The following RGSL1 variants were observed in gnomAD, a reference collection of about 807,000 sequenced individuals.
RGSL1 encodes regulator of G protein signaling protein-like.
In RGSL1, 97 loss-of-function variants were observed where a neutral mutation model predicts 124.7. That is an observed-to-expected ratio of 0.78 (90% CI 0.66 to 0.92). RGSL1 has a LOEUF of 0.92. Among genes scored for constraint, RGSL1 ranks in the 40% least tolerant of loss-of-function variants. The pLI is 0.00. For synonymous variants in RGSL1, 424 were observed against 438.1 expected (o/e 0.97, Z 0.40); for missense variants, 1,233 against 1,288.4 (o/e 0.96, Z 0.66).
intron 4 of RGSL1, among the ~76,000 whole-genome samples, chr1:182,463,619 AAAG>A (rs1338932195): frequency 1.3e-5 from 2 of 152,244 alleles, no homozygotes; most frequent in Admixed American, 1.3e-4. Context: ...TACAAGAGAC[AAAG>A]AAGGACATTA....
chr1:182,474,984 A>G lies in RGSL1; in HGVS notation c.1431+442A>G, dbSNP rs1261542657. On this transcript the variant is annotated intron_variant, in intron 6 of 21. Coordinates refer to ENST00000294854, the MANE Select transcript of RGSL1 (RefSeq NM_001137669.2). Reference sequence around the variant, plus strand: ...TCATGGAAAAAACTGTCATCCACAAAACTGGTCCCTGTGCCAAAAAGGTTG... The same window carrying G: ...TCATGGAAAAAACTGTCATCCACAAGACTGGTCCCTGTGCCAAAAAGGTTG... Among the ~76,000 whole-genome samples, 7 of 152,260 alleles carry G rather than the reference A, an allele frequency of 4.6e-5. No homozygotes were observed. In the East Asian group the frequency reaches 1.4e-3, roughly 29 times the overall value.
At chr1:182,552,346 C>A (rs1660617450) in intron 18 of RGSL1, among the ~76,000 whole-genome samples, 1 of 152,104 alleles carries the variant, frequency 6.6e-6, no homozygotes, top group African/African-American at 2.4e-5. Context: ...GATCTCCTGA[C>A]CTTGTGATCC....
chr1:182,482,529 A>G (rs962547440), intron 6 of RGSL1, among the ~76,000 whole-genome samples: 1 of 152,252 alleles, frequency 6.6e-6, no homozygotes, highest in African/African-American at 2.4e-5. Flanking sequence ...AATTACCACA[A>G]AAACAGTTAA....
At chr1:182,537,118 G>C (rs993701971) in intron 14 of RGSL1, among the ~76,000 whole-genome samples, 1 of 151,990 alleles carries the variant, frequency 6.6e-6, no homozygotes, top group South Asian at 2.1e-4. Context: ...TTTTTAAGTA[G>C]TGTCTTTTGA....
At position 182,550,953 on chromosome 1, in the gene RGSL1, G is replaced by A. The variant is rs539855423; in HGVS notation, c.2934-147G>A. On this transcript the variant is annotated intron_variant, in intron 17 of 21. Coordinates refer to ENST00000294854, the MANE Select transcript of RGSL1 (RefSeq NM_001137669.2). ...TCAGAACAAAGGCCACTGGCAGGTA[G>A]AACCCCAAGGCCAGGATGCTTTCCT... 58 of 621,412 alleles carry A rather than the reference G, an allele frequency of 9.3e-5. 1 individual carries two copies. In the South Asian group the frequency reaches 1.1e-3, roughly 12 times the overall value. 38.5% of individuals were successfully genotyped at this position (621,412 alleles called of 1,614,324 possible). A position where few individuals can be genotyped will look rare whatever the true frequency, so the allele number is the denominator to read the frequency against.
intron 2 of RGSL1, among the ~76,000 whole-genome samples, chr1:182,456,256 C>T (rs980583917): frequency 5.9e-5 from 9 of 151,468 alleles, no homozygotes; most frequent in Non-Finnish European, 1.2e-4. Context: ...CTCACTCTTA[C>T]TATTGTCTCT....
intron 4 of RGSL1, 119 bp from the exon 5 acceptor site, chr1:182,472,277 G>C (rs1217789935): frequency 3.3e-6 from 3 of 903,736 alleles, no homozygotes; most frequent in Non-Finnish European, 4.8e-6. Flanking sequence ...CAATCACCAG[G>C]AATGATGATT....
intron 19 of RGSL1, among the ~76,000 whole-genome samples, chr1:182,554,015 C>T (rs1223195684): frequency 6.6e-6 from 1 of 152,182 alleles, no homozygotes; most frequent in African/African-American, 2.4e-5. Context: ...GTTCTAACCT[C>T]GCATACTGAG....
At chr1:182,465,977 G>T (rs570387555) in intron 4 of RGSL1, among the ~76,000 whole-genome samples, 1 of 152,072 alleles carries the variant, frequency 6.6e-6, no homozygotes, top group African/African-American at 2.4e-5. Context: ...GACCAAAAGG[G>T]ATATTTTTCC....
intron 9 of RGSL1, among the ~76,000 whole-genome samples, chr1:182,494,354 A>G (rs1305940163): frequency 6.6e-6 from 1 of 152,256 alleles, no homozygotes; most frequent in African/African-American, 2.4e-5. Flanking sequence ...TTCTGCCTCC[A>G]GGAACTAAGA....
chr1:182,538,166 C>T (rs1019972374), intron 14 of RGSL1, among the ~76,000 whole-genome samples: 2 of 152,118 alleles, frequency 1.3e-5, no homozygotes, highest in African/African-American at 4.8e-5. Flanking sequence ...TTTTAAAAAT[C>T]GTTTCGGAAG....
chr1:182,525,856 A>G (rs1658702184), intron 10 of RGSL1, among the ~76,000 whole-genome samples: 2 of 36,960 alleles, frequency 5.4e-5, no homozygotes, highest in African/African-American at 2.1e-4. Flanking sequence ...AGATATATTG[A>G]CCACGGGGAA....
intron 14 of RGSL1, 24 bp from the exon 15 acceptor site, chr1:182,540,223 A>G (rs1659802554): frequency 2.6e-6 from 4 of 1,522,432 alleles, no homozygotes; most frequent in Non-Finnish European, 3.5e-6. Context: ...ACAAAATTGT[A>G]ATTCCTTCTT....
chr1:182,452,087 A>T (rs1271343343), intron 1 of RGSL1, among the ~76,000 whole-genome samples: 1 of 152,102 alleles, frequency 6.6e-6, no homozygotes, highest in East Asian at 1.9e-4. Context: ...TAGATAATTT[A>T]TTGAATGATA....
At chr1:182,495,663 A>G (rs1655858791) in intron 9 of RGSL1, among the ~76,000 whole-genome samples, 1 of 152,150 alleles carries the variant, frequency 6.6e-6, no homozygotes, top group South Asian at 2.1e-4. Flanking sequence ...CAGGATCACC[A>G]CTGATAGAGG....
At chr1:182,472,664 C>G in intron 5 of RGSL1, 107 bp downstream of exon 5, 1 of 1,201,642 alleles carries the variant, frequency 8.3e-7, no homozygotes, top group Non-Finnish European at 1.1e-6. Flanking sequence ...TTCTTTCCAT[C>G]TTCTATGTAT....
intron 20 of RGSL1, chr1:182,554,918 G>T: frequency 1.8e-6 from 1 of 545,404 alleles, no homozygotes; most frequent in East Asian, 3.0e-5. Context: ...TAAGAAGTTG[G>T]AGTCTCTGAC....
intron 6 of RGSL1, among the ~76,000 whole-genome samples, chr1:182,476,520 C>T (rs181218634): frequency 7.4e-4 from 112 of 152,308 alleles, no homozygotes; most frequent in Non-Finnish European, 1.4e-3. Flanking sequence ...TGTCCTCTCA[C>T]CTGTAATATT....
chr1:182,541,695 C>G (rs1457016312), intron 15 of RGSL1, among the ~76,000 whole-genome samples: 2 of 152,184 alleles, frequency 1.3e-5, no homozygotes, highest in Non-Finnish European at 2.9e-5. Flanking sequence ...TTGCCACCAA[C>G]CAGGTACAAG....
Sources: allele counts gnomAD v4.1 joint callset (sites outside exome capture counted in the v4.1 genomes callset), GRCh38; gene constraint gnomAD v4.1.1; transcripts MANE v1.5; gene names NCBI Gene and HGNC (gene_info 2026-07-23, HGNC 2026-07-21).